DIAPH3: variants seen among roughly 807,000 people sequenced by gnomAD.
DIAPH3 encodes the protein protein diaphanous homolog 3.
Under a neutral mutation model 144.3 loss-of-function variants are expected in DIAPH3, and 117 were observed. The observed-to-expected ratio is 0.81, with a 90% CI of 0.70 to 0.95. DIAPH3 has a LOEUF of 0.95. Ranked by LOEUF, DIAPH3 falls within the 40% of genes least tolerant of loss-of-function variation. The pLI is 0.00. For synonymous variants in DIAPH3, 519 were observed against 488.9 expected (o/e 1.06, Z -0.81); for missense variants, 1,421 against 1,412.7 (o/e 1.01, Z -0.09).
At chr13:59,987,880 A>T (rs756543861) in intron 12 of DIAPH3, among the ~76,000 whole-genome samples, 15 of 151,864 alleles carry the variant, frequency 9.9e-5, no homozygotes, top group Non-Finnish European at 1.9e-4. Flanking sequence ...GCAAAACCAA[A>T]CTAAAGTGAT....
At chr13:60,061,006 G>A (rs1323570024) in intron 4 of DIAPH3, among the ~76,000 whole-genome samples, 1 of 152,022 alleles carries the variant, frequency 6.6e-6, no homozygotes, top group Admixed American at 6.6e-5. Flanking sequence ...CATTAGCTGA[G>A]TAAGAACATC....
intron 18 of DIAPH3, among the ~76,000 whole-genome samples, chr13:59,917,350 A>T (rs897237321): frequency 2.0e-5 from 3 of 152,170 alleles, no homozygotes; most frequent in African/African-American, 7.2e-5. Context: ...TCAAAGGATG[A>T]CTATTTTTTA....
At chr13:59,905,794 A>C (rs945222777) in intron 20 of DIAPH3, among the ~76,000 whole-genome samples, 2 of 152,190 alleles carry the variant, frequency 1.3e-5, no homozygotes, top group Admixed American at 6.5e-5. Context: ...CTGAACCATG[A>C]GCCAAGAAAT....
rs553649798 is a variant in DIAPH3, at chr13:60,074,093, T to C, written c.495+19535A>G. On this transcript the variant is annotated intron_variant, in intron 4 of 27. Transcript: ENST00000400324. Reference sequence around the variant, plus strand: ...AGTAGGAGATGCTTGTTGCAGTGCTTAGGTTGCCTGCTAAGATGCTGACGA... The same window carrying C: ...AGTAGGAGATGCTTGTTGCAGTGCTCAGGTTGCCTGCTAAGATGCTGACGA... Among the ~76,000 whole-genome samples the C allele has an allele frequency of 6.6e-5, 10 of 152,310 alleles. No homozygotes were observed. The South Asian group carries it at 2.1e-3, about 32-fold the overall frequency.
intron 27 of DIAPH3, among the ~76,000 whole-genome samples, 194 bp from the exon 28 acceptor site, chr13:59,667,040 A>G (rs2032059568): frequency 6.6e-6 from 1 of 152,210 alleles, no homozygotes; most frequent in Non-Finnish European, 1.5e-5. Context: ...ACTAAAATAT[A>G]ACAGCCAACC....
intron 27 of DIAPH3, among the ~76,000 whole-genome samples, chr13:59,703,006 A>G (rs923165007): frequency 1.3e-5 from 2 of 152,064 alleles, no homozygotes; most frequent in African/African-American, 2.4e-5. Context: ...GCCACTACCA[A>G]TGTCTGGCAC....
intron 4 of DIAPH3, among the ~76,000 whole-genome samples, chr13:60,084,818 C>T (rs1046340627): frequency 2.0e-5 from 3 of 152,054 alleles, no homozygotes; most frequent in African/African-American, 7.2e-5. Flanking sequence ...GCTATACCAA[C>T]CATATTTATT....
In DIAPH3 at chr13:59,899,137, A is replaced by C. The variant is rs142025468; in HGVS notation, c.2367+12598T>G. 3.6e-3 allele frequency among the ~76,000 whole-genome samples: 547 copies of C among 152,284 alleles called. 3 individuals carry two copies. Among genetic ancestry groups the C allele is most frequent in the African/African-American group, 0.012 (513 of 41,560 alleles). ...CTCTCAGGCTTCGGTCACAGACTAAAGGCTGCAGTGCCAGCTTCCCTACTT... is the reference window on the plus strand; with the variant it reads ...CTCTCAGGCTTCGGTCACAGACTAACGGCTGCAGTGCCAGCTTCCCTACTT... On this transcript the variant is annotated intron_variant, in intron 20 of 27. Transcript: ENST00000400324.
chr13:59,688,260 T>C (rs1027525617), intron 27 of DIAPH3, among the ~76,000 whole-genome samples: 3 of 152,058 alleles, frequency 2.0e-5, no homozygotes, highest in African/African-American at 7.2e-5. Context: ...TAGCACAATA[T>C]TCACCTGCAA....
intron 12 of DIAPH3, among the ~76,000 whole-genome samples, chr13:59,986,809 A>G (rs2051417886): frequency 6.6e-6 from 1 of 150,386 alleles, no homozygotes. Context: ...GGCAATCATT[A>G]AAAAGTCAGG....
intron 23 of DIAPH3, among the ~76,000 whole-genome samples, chr13:59,836,088 T>C (rs547088834): frequency 5.9e-5 from 9 of 151,898 alleles, no homozygotes; most frequent in Non-Finnish European, 1.3e-4. Flanking sequence ...AATATATAAA[T>C]GTCTAGCAAA....
intron 17 of DIAPH3, among the ~76,000 whole-genome samples, chr13:59,940,954 G>T (rs974915927): frequency 6.6e-6 from 1 of 152,188 alleles, no homozygotes; most frequent in African/African-American, 2.4e-5. Context: ...AATAATTGGA[G>T]ATGATAACTG....
intron 2 of DIAPH3, among the ~76,000 whole-genome samples, chr13:60,114,917 G>A (rs1254882813): frequency 2.0e-5 from 3 of 152,116 alleles, no homozygotes; most frequent in Non-Finnish European, 4.4e-5. Flanking sequence ...GATTAGGGCA[G>A]TCAAAGTCCA....
chr13:60,109,297 T>A (rs920436537), intron 3 of DIAPH3, among the ~76,000 whole-genome samples: 1 of 152,142 alleles, frequency 6.6e-6, no homozygotes, highest in African/African-American at 2.4e-5. Context: ...AGAACTATAA[T>A]AAATGTGTGT....
At chr13:59,952,875 A>G (rs1166234893) in intron 17 of DIAPH3, among the ~76,000 whole-genome samples, 1 of 152,224 alleles carries the variant, frequency 6.6e-6, no homozygotes, top group East Asian at 1.9e-4. Context: ...TTCAATGCCC[A>G]TATGTGCCAA....
intron 5 of DIAPH3, among the ~76,000 whole-genome samples, chr13:60,033,937 G>A (rs1302499377): frequency 3.3e-5 from 5 of 152,136 alleles, no homozygotes; most frequent in Admixed American, 3.3e-4. Flanking sequence ...TCAATGTGAT[G>A]CCTTCCTTTG....
intron 1 of DIAPH3, among the ~76,000 whole-genome samples, chr13:60,146,796 A>G (rs779904463): frequency 1.3e-5 from 2 of 152,202 alleles, no homozygotes; most frequent in Non-Finnish European, 2.9e-5. Context: ...ATTCAAACAC[A>G]CTAATAAAAA....
chr13:59,897,091 GA>G (rs1205168420), intron 20 of DIAPH3, among the ~76,000 whole-genome samples: 2 of 152,180 alleles, frequency 1.3e-5, no homozygotes, highest in African/African-American at 2.4e-5. Flanking sequence ...AAATCATTGA[GA>G]AAGAAGAGGG....
chr13:60,117,506 AG>A (rs1244916015), intron 2 of DIAPH3, among the ~76,000 whole-genome samples: 14 of 152,164 alleles, frequency 9.2e-5, no homozygotes, highest in Admixed American at 6.5e-5. Context: ...TGAGGCTAAA[AG>A]TAAAAGCATT....
Sources: gnomAD v4.1 joint callset for allele counts (sites outside exome capture counted in the v4.1 genomes callset) on GRCh38, gnomAD v4.1.1 for gene constraint, MANE v1.5 for transcripts, NCBI Gene and HGNC (gene_info 2026-07-23, HGNC 2026-07-21) for gene names.